Variants in UFSP2 observed in about 807,000 individuals in gnomAD.
The protein encoded by UFSP2 is UFM1 specific peptidase 2.
UFSP2 carries 43 observed loss-of-function variants against 60.2 expected under a neutral mutation model. The observed-to-expected ratio is 0.71, with a 90% CI of 0.56 to 0.92. The LOEUF is 0.92. UFSP2 is among the 40% of genes least tolerant of loss of function. The pLI, the probability that UFSP2 is intolerant of heterozygous loss-of-function variation, is 0.00. For missense variants in UFSP2, 520 were observed against 575.0 expected (o/e 0.90, Z 0.98); for synonymous variants, 183 against 195.1 (o/e 0.94, Z 0.52).
At chr4:185,424,345 C>T (rs1344971399) in intron 1 of UFSP2, among the ~76,000 whole-genome samples, 1 of 152,104 alleles carries the variant, frequency 6.6e-6, no homozygotes, top group African/African-American at 2.4e-5. Context: ...ATGTAAAAGG[C>T]ACTATGCTAA....
intron 7 of UFSP2, 140 bp downstream of exon 7, chr4:185,413,586 T>A (rs1459859775): frequency 2.5e-6 from 2 of 787,478 alleles, no homozygotes; most frequent in Non-Finnish European, 3.8e-6. Context: ...TCTTAAGCAA[T>A]GTCTGTTAAC....
intron 6 of UFSP2, 107 bp from the exon 7 acceptor site, chr4:185,413,979 A>C: frequency 2.0e-6 from 2 of 1,003,234 alleles, no homozygotes. Context: ...ATAGGTTATA[A>C]AAGTTTCCAA....
chr4:185,413,728 T>C lies in UFSP2; in HGVS notation c.829A>G (p.Met277Val), dbSNP rs1693273156. ...CATAAATAATTAGTTAAACTCACCA[T>C]ACCAGTCTCCATGTTAGGTGGATTA... is the stretch of plus-strand genomic sequence containing the variant. ...YLNPPNMETG[M>V]IYVVQGIYGY... Residue 277 changes from methionine (M) to valine (V), a missense_variant and splice_region_variant, in exon 7 of 12, where the codon ATG (methionine) becomes GTG (valine). Coordinates refer to ENST00000264689, the MANE Select transcript of UFSP2 (RefSeq NM_018359.5). 6.2e-7 allele frequency: 1 copy of C among 1,608,494 alleles called. No individual in the cohort carries two copies. Among genetic ancestry groups the C allele is most frequent in the African/African-American group, 1.3e-5 (1 of 74,700 alleles).
At position 185,400,275 on chromosome 4, in the gene UFSP2, A is replaced by G; in HGVS notation, c.*117T>C. The stretch of plus-strand genomic sequence containing the variant: ...CCGTGCAGTATTTACAACCTTTGAA[A>G]AAGGTCATAATTTAAATCGTCAAAC... On this transcript the variant is annotated 3_prime_UTR_variant, in exon 12 of 12. Transcript: ENST00000264689. 2.2e-6 allele frequency: 2 copies of G among 894,684 alleles called. No homozygotes were observed. Among genetic ancestry groups the G allele is most frequent in the Non-Finnish European group, 3.4e-6 (2 of 588,174 alleles). 55.4% of individuals were successfully genotyped at this position (894,684 alleles called of 1,614,324 possible). A position where few individuals can be genotyped will look rare whatever the true frequency, so the allele number is the denominator to read the frequency against.
chr4:185,410,523 C>T (rs2095527383), intron 7 of UFSP2, among the ~76,000 whole-genome samples: 1 of 152,008 alleles, frequency 6.6e-6, no homozygotes, highest in Non-Finnish European at 1.5e-5. Context: ...TGGCTATTGC[C>T]AGTAATCCTA....
chr4:185,420,795 G>A (rs1468121260), intron 2 of UFSP2, among the ~76,000 whole-genome samples: 1 of 152,160 alleles, frequency 6.6e-6, no homozygotes, highest in Non-Finnish European at 1.5e-5. Flanking sequence ...TTTGTTGAGT[G>A]TTGACAGAGT....
chr4:185,412,784 G>A (rs1483291692), intron 7 of UFSP2, among the ~76,000 whole-genome samples: 1 of 152,094 alleles, frequency 6.6e-6, no homozygotes. Flanking sequence ...AGAGACTGAA[G>A]ACACCTGCTA....
chr4:185,416,700 C>T (rs1342262163), intron 4 of UFSP2, among the ~76,000 whole-genome samples: 1 of 152,132 alleles, frequency 6.6e-6, no homozygotes, highest in Non-Finnish European at 1.5e-5. Flanking sequence ...CATGTTGCAC[C>T]TGGAACATCT....
chr4:185,402,334 A>T (rs1166326731), intron 11 of UFSP2: 1 of 454,948 alleles, frequency 2.2e-6, no homozygotes, highest in African/African-American at 2.0e-5. Flanking sequence ...ATAGACTTCA[A>T]ATTCCAAATG....
In UFSP2 at chr4:185,408,162, T is replaced by C; in HGVS notation, c.997-102A>G. 5 of 1,542,910 alleles carry C rather than the reference T, an allele frequency of 3.2e-6. No homozygotes were observed. In the South Asian group the frequency reaches 5.8e-5, roughly 18 times the overall value. On this transcript the variant is annotated intron_variant, in intron 8 of 11. Transcript: ENST00000264689. ...TTACCAGTACAAGAATTTTTTTTTCTTCAAAACAGAAATAAGTCTGCACCA... is the reference window on the plus strand; with the variant it reads ...TTACCAGTACAAGAATTTTTTTTTCCTCAAAACAGAAATAAGTCTGCACCA...
chr4:185,405,257 C>T (rs553817225), intron 10 of UFSP2, among the ~76,000 whole-genome samples: 1 of 151,960 alleles, frequency 6.6e-6, no homozygotes, highest in Admixed American at 6.6e-5. Context: ...CTCAGCCTCC[C>T]GAAGTGCTAG....
chr4:185,413,977 TAA>T (rs2095534069), intron 6 of UFSP2, 105 bp from the exon 7 acceptor site: 4 of 1,055,068 alleles, frequency 3.8e-6, no homozygotes, highest in Non-Finnish European at 5.1e-6. Context: ...ATATAGGTTA[TAA>T]AAGTTTCCAA....
chr4:185,413,633 C>T lies in UFSP2; in HGVS notation c.831+93G>A. The T allele has an allele frequency of 3.4e-6, 4 of 1,188,396 alleles. No individual in the cohort carries two copies. The South Asian group carries it at 6.6e-5, about 20-fold the overall frequency. The allele number at this position is 1,188,396 out of a possible 1,614,324, so 73.6% of individuals were successfully genotyped here. Reference sequence around the variant, plus strand: ...ATAAATCATGTTTTAGGAATGAATACATAATGAATCAAGTCTCCTACTGGG... The same window carrying T: ...ATAAATCATGTTTTAGGAATGAATATATAATGAATCAAGTCTCCTACTGGG... On this transcript the variant is annotated intron_variant, in intron 7 of 11. Coordinates refer to ENST00000264689, the MANE Select transcript of UFSP2 (RefSeq NM_018359.5).
chr4:185,409,713 A>G (rs2095525944), intron 7 of UFSP2, among the ~76,000 whole-genome samples: 1 of 152,232 alleles, frequency 6.6e-6, no homozygotes, highest in South Asian at 2.1e-4. Context: ...AAAAGAAAAA[A>G]GGAAAGCAAA....
chr4:185,418,323 T>A (rs768158948), intron 4 of UFSP2, 118 bp downstream of exon 4: 1 of 732,986 alleles, frequency 1.4e-6, no homozygotes, highest in South Asian at 2.4e-5. Context: ...TTTAATCTTT[T>A]TGGACATCAA....
intron 7 of UFSP2, among the ~76,000 whole-genome samples, chr4:185,409,035 C>G (rs752446119): frequency 6.6e-6 from 1 of 152,088 alleles, no homozygotes; most frequent in Non-Finnish European, 1.5e-5. Context: ...TCAGTGAGTA[C>G]ATACACTGTG....
intron 11 of UFSP2, chr4:185,402,114 T>C (rs1176445689): frequency 3.5e-6 from 1 of 288,130 alleles, no homozygotes; most frequent in Non-Finnish European, 7.1e-6. Flanking sequence ...CCATTTTTTT[T>C]TTCTCGAGAG....
At chr4:185,410,945 C>CAA (rs374020176) in intron 7 of UFSP2, among the ~76,000 whole-genome samples, 71,125 of 113,430 alleles carry the variant, frequency 0.63, 22,386 homozygotes, top group East Asian at 0.79. Flanking sequence ...GACTCCATCT[C>CAA]AAAAAAAAAA....
chr4:185,410,008 C>A (rs2095526469), intron 7 of UFSP2, among the ~76,000 whole-genome samples: 1 of 152,086 alleles, frequency 6.6e-6, no homozygotes, highest in African/African-American at 2.4e-5. Flanking sequence ...AGAACTGAGA[C>A]AATACATTTT....
Sources: gnomAD v4.1 joint callset for allele counts (sites outside exome capture counted in the v4.1 genomes callset) on GRCh38, gnomAD v4.1.1 for gene constraint, MANE v1.5 for transcripts, NCBI Gene and HGNC (gene_info 2026-07-23, HGNC 2026-07-21) for gene names.